The following ARL15 variants were observed in gnomAD, a reference collection of about 807,000 sequenced individuals.
The protein encoded by ARL15 is ADP-ribosylation factor-like protein 15.
In ARL15, 19 loss-of-function variants were observed where a neutral mutation model predicts 25.2. The ratio of observed to expected loss-of-function variants is 0.75; its 90% CI spans 0.53 to 1.10. The LOEUF (loss-of-function observed/expected upper bound fraction) is 1.10, where lower values mean the gene tolerates loss of function less well. ARL15 is among the 50% of genes least tolerant of loss of function. The pLI is 0.00. For synonymous variants in ARL15, 94 were observed against 86.8 expected (o/e 1.08, Z -0.46); for missense variants, 220 against 246.0 (o/e 0.89, Z 0.71).
chr5:54,150,868 C>A (rs1430197592), intron 3 of ARL15, among the ~76,000 whole-genome samples: 37 of 135,878 alleles, frequency 2.7e-4, no homozygotes, highest in Non-Finnish European at 3.8e-4. Flanking sequence ...AAAAAAAAAC[C>A]AAACCAACAT....
At chr5:53,974,266 G>C (rs1481522154) in intron 4 of ARL15, among the ~76,000 whole-genome samples, 2 of 152,236 alleles carry the variant, frequency 1.3e-5, no homozygotes, top group Non-Finnish European at 2.9e-5. Flanking sequence ...GGGCAGCTAA[G>C]TGGTTGTAAG....
intron 3 of ARL15, among the ~76,000 whole-genome samples, chr5:54,126,606 A>G (rs1753260876): frequency 6.6e-6 from 1 of 152,162 alleles, no homozygotes; most frequent in Non-Finnish European, 1.5e-5. Context: ...GTTGGGGGGT[A>G]GGGCCTAATA....
At position 53,977,354 on chromosome 5, in the gene ARL15, C is replaced by CAAA. The variant is rs397884651; in HGVS notation, c.463-90644_463-90642dup. 5.4e-4 allele frequency among the ~76,000 whole-genome samples: 49 copies of CAAA among 90,208 alleles called. 2 individuals are homozygous for CAAA. The highest frequency in any genetic ancestry group is 1.5e-3 in the African/African-American group (39 of 25,222). The allele number at this position is 90,208 out of a possible 152,430, so 59.2% of individuals were successfully genotyped here. On this transcript the variant is annotated intron_variant, in intron 4 of 4. Coordinates refer to ENST00000504924, the MANE Select transcript of ARL15 (RefSeq NM_019087.3). ...TGAGCAACAGAGTGAGACTCCGCCT[C>CAAA]AAAAAAAAAAAAAAAAAAAAAATTC...
At chr5:53,904,738 C>CTTTTTTT (rs35684823) in intron 4 of ARL15, among the ~76,000 whole-genome samples, 2 of 126,186 alleles carry the variant, frequency 1.6e-5, no homozygotes, top group African/African-American at 6.0e-5. Flanking sequence ...TTTTTAGTTC[C>CTTTTTTT]TTTTTTTTTT....
chr5:54,211,965 G>A (rs1756054873), intron 1 of ARL15, among the ~76,000 whole-genome samples: 1 of 152,142 alleles, frequency 6.6e-6, no homozygotes. Flanking sequence ...AAGGATCTTG[G>A]TTATTGGTTG....
At chr5:54,165,465 T>C (rs769532723) in intron 2 of ARL15, among the ~76,000 whole-genome samples, 6 of 151,884 alleles carry the variant, frequency 4.0e-5, no homozygotes, top group Non-Finnish European at 8.8e-5. Flanking sequence ...TTTTACTTTC[T>C]TTTTAAAAGA....
chr5:54,040,027 A>T (rs1750288051), intron 4 of ARL15, among the ~76,000 whole-genome samples: 1 of 152,158 alleles, frequency 6.6e-6, no homozygotes, highest in African/African-American at 2.4e-5. Flanking sequence ...GGCAGATTAG[A>T]CATTTGACTC....
intron 4 of ARL15, among the ~76,000 whole-genome samples, chr5:53,966,307 A>C (rs1312116250): frequency 2.6e-5 from 4 of 152,104 alleles, no homozygotes; most frequent in African/African-American, 7.2e-5. Context: ...AGAAGGTTGT[A>C]CCCCAGGGAG....
At chr5:54,213,126 C>A (rs751960606) in intron 1 of ARL15, among the ~76,000 whole-genome samples, 1 of 151,984 alleles carries the variant, frequency 6.6e-6, no homozygotes, top group Admixed American at 6.6e-5. Flanking sequence ...AGTTTTAAAC[C>A]AAAGAAGAAA....
At chr5:54,061,436 C>T (rs1260838176) in intron 4 of ARL15, among the ~76,000 whole-genome samples, 1 of 151,928 alleles carries the variant, frequency 6.6e-6, no homozygotes, top group African/African-American at 2.4e-5. Flanking sequence ...ATAGTGAAAC[C>T]CCATCACTAC....
chr5:54,266,943 A>T (rs1003402639), intron 1 of ARL15, among the ~76,000 whole-genome samples: 2 of 152,362 alleles, frequency 1.3e-5, no homozygotes, highest in East Asian at 1.9e-4. Flanking sequence ...TTTCAGGCAG[A>T]CAAAAAGTAA....
At chr5:53,926,676 C>A (rs999819974) in intron 4 of ARL15, among the ~76,000 whole-genome samples, 8 of 152,148 alleles carry the variant, frequency 5.3e-5, no homozygotes, top group Non-Finnish European at 1.2e-4. Context: ...TCAGCTGAAA[C>A]TGATATCCAA....
chr5:54,135,477 C>T (rs539005193), intron 3 of ARL15, among the ~76,000 whole-genome samples: 23 of 152,242 alleles, frequency 1.5e-4, no homozygotes, highest in African/African-American at 5.1e-4. Flanking sequence ...AAAAGTGATC[C>T]TTCAGAATAC....
intron 1 of ARL15, among the ~76,000 whole-genome samples, chr5:54,289,129 C>T (rs1023663096): frequency 1.1e-4 from 17 of 152,166 alleles, no homozygotes; most frequent in African/African-American, 3.9e-4. Flanking sequence ...CTTTGAAAGG[C>T]TCAAGGATTT....
rs138340255 is a variant in ARL15 at position 53,936,282 on chromosome 5, C to T, written c.463-49569G>A. Among the ~76,000 whole-genome samples, 56 of 152,258 alleles carry T rather than the reference C, an allele frequency of 3.7e-4. No individual in the cohort carries two copies. In the East Asian group the frequency reaches 9.8e-3, roughly 27 times the overall value. ...TACTTTATGTTTTTTGTGCATTTATCCTCACCAACTTTATGATGTAGCTGT... is the reference window on the plus strand; with the variant it reads ...TACTTTATGTTTTTTGTGCATTTATTCTCACCAACTTTATGATGTAGCTGT... On this transcript the variant is annotated intron_variant, in intron 4 of 4. Transcript: ENST00000504924.
intron 3 of ARL15, among the ~76,000 whole-genome samples, chr5:54,149,026 C>A (rs915912494): frequency 3.3e-5 from 5 of 152,156 alleles, no homozygotes; most frequent in African/African-American, 4.8e-5. Flanking sequence ...GACATCACTG[C>A]AGTGTGGACA....
chr5:53,981,620 G>A (rs1748122336), intron 4 of ARL15, among the ~76,000 whole-genome samples: 1 of 152,184 alleles, frequency 6.6e-6, no homozygotes, highest in Non-Finnish European at 1.5e-5. Flanking sequence ...ATCATGCGGG[G>A]CGCAGTAGCT....
chr5:53,934,274 T>C (rs1285903433), intron 4 of ARL15, among the ~76,000 whole-genome samples: 1 of 152,198 alleles, frequency 6.6e-6, no homozygotes, highest in Non-Finnish European at 1.5e-5. Context: ...TCTGTAAAGA[T>C]AAATGCAGAA....
intron 4 of ARL15, among the ~76,000 whole-genome samples, chr5:54,048,926 G>A (rs1307349972): frequency 6.6e-6 from 1 of 152,050 alleles, no homozygotes; most frequent in Non-Finnish European, 1.5e-5. Flanking sequence ...TGATCAAGGA[G>A]TTTTACCTCA....
Sources: gnomAD v4.1 joint callset for allele counts (sites outside exome capture counted in the v4.1 genomes callset) on GRCh38, gnomAD v4.1.1 for gene constraint, MANE v1.5 for transcripts, NCBI Gene and HGNC (gene_info 2026-07-23, HGNC 2026-07-21) for gene names.